Variants in SLC13A3 observed in about 807,000 individuals in gnomAD.
The protein encoded by SLC13A3 is Na(+)/dicarboxylate cotransporter 3.
SLC13A3 carries 40 observed loss-of-function variants against 59.0 expected under a neutral mutation model. The observed-to-expected ratio is 0.68, with a 90% CI of 0.53 to 0.88. The LOEUF is 0.88. Among genes scored for constraint, SLC13A3 ranks in the 40% least tolerant of loss-of-function variants. The probability of loss-of-function intolerance (pLI) is 0.00; values close to 1 mark genes in which losing one functional copy is unlikely to be tolerated. For missense variants in SLC13A3, 699 were observed against 783.2 expected (o/e 0.89, Z 1.28); for synonymous variants, 317 against 330.3 (o/e 0.96, Z 0.44).
intron 5 of SLC13A3, among the ~76,000 whole-genome samples, chr20:46,594,244 T>C (rs1315735252): frequency 6.7e-6 from 1 of 149,460 alleles, no homozygotes; most frequent in African/African-American, 2.4e-5. Flanking sequence ...TATATGTTAA[T>C]ATAATATATA....
chr20:46,584,447 G>T (rs3088343), intron 8 of SLC13A3: 111,788 of 985,308 alleles, frequency 0.11, 6,796 homozygotes, highest in Non-Finnish European at 0.12. Flanking sequence ...AACTCAGATT[G>T]TTCTGGCTCC....
At chr20:46,610,354 A>T in intron 3 of SLC13A3, 92 bp downstream of exon 3, 1 of 1,269,512 alleles carries the variant, frequency 7.9e-7, no homozygotes, top group South Asian at 1.4e-5. Flanking sequence ...ATAAGTGTGC[A>T]TGCCCTTGGC....
At position 46,563,530 on chromosome 20, in the gene SLC13A3, G is replaced by A; in HGVS notation, c.1516C>T (p.Pro506Ser). ...AELAIRLRVH[P>S]LYLMIPGTVG... ...GTGCCCGGAATCATCAGATACAGGG[G>A]GTGCACTCTCAGGCGGATGGCCTGG... Residue 506 changes from proline (P) to serine (S), a missense_variant, in exon 12 of 13, where the codon CCC (proline) becomes TCC (serine). Transcript: ENST00000279027. 6.2e-7 allele frequency: 1 copy of A among 1,613,914 alleles called. No individual in the cohort carries two copies. Among genetic ancestry groups the A allele is most frequent in the Admixed American group, 1.7e-5 (1 of 59,984 alleles).
chr20:46,566,261 TG>T lies in SLC13A3; in HGVS notation c.1461del (p.Ile488SerfsTer15). 1 of 1,613,582 alleles carries T rather than the reference TG, an allele frequency of 6.2e-7. No individual in the cohort carries two copies. The highest frequency in any genetic ancestry group is 8.5e-7 in the Non-Finnish European group (1 of 1,179,716). ...GCCAGGACCGGCAGGAAGATGATGA[TG>T]GTCGCCGTGTTGCTGGCAAACTCAG... Reference protein sequence around the residue: ...FFTEFASNTATIIIFLPVLAE... With the variant: ...FFTEFASNTAXIIIFLPVLAE... On this transcript the variant is annotated frameshift_variant, in exon 11 of 13. Transcript: ENST00000279027. LOFTEE classifies it high-confidence loss of function.
At chr20:46,605,369 A>G (rs1308082231) in intron 3 of SLC13A3, among the ~76,000 whole-genome samples, 1 of 150,212 alleles carries the variant, frequency 6.7e-6, no homozygotes. Flanking sequence ...GTGGCCCAAG[A>G]GACCACATGG....
Position 46,613,440 on chromosome 20 carries a change from G to T in SLC13A3, c.377+20C>A. On this transcript the variant is annotated intron_variant, in intron 2 of 12. Coordinates refer to ENST00000279027, the MANE Select transcript of SLC13A3 (RefSeq NM_022829.6). ...CCTCTGCCTCTCCGCTGTAGGGCTG[G>T]AACCATTACCTGTTCTTACCTGGCC... The T allele has an allele frequency of 1.3e-6, 2 of 1,557,906 alleles. No individual in the cohort carries two copies. Among genetic ancestry groups the T allele is most frequent in the South Asian group, 2.5e-5 (2 of 80,956 alleles).
At chr20:46,589,285 G>A (rs1196409694) in intron 6 of SLC13A3, 30 bp from the exon 7 acceptor site, 1 of 1,580,914 alleles carries the variant, frequency 6.3e-7, no homozygotes, top group Non-Finnish European at 8.7e-7. Flanking sequence ...ATTAGGAGTG[G>A]CCACTGCAGG....
intron 4 of SLC13A3, among the ~76,000 whole-genome samples, chr20:46,597,389 A>G (rs751878624): frequency 2.3e-4 from 35 of 152,312 alleles, no homozygotes; most frequent in Non-Finnish European, 3.1e-4. Flanking sequence ...GCAGGTTACA[A>G]AACAGCGTAC....
chr20:46,610,373 A>G, intron 3 of SLC13A3, 73 bp downstream of exon 3: 1 of 1,491,916 alleles, frequency 6.7e-7, no homozygotes. Context: ...GCCTTCCCTA[A>G]CATCCTTTGG....
At chr20:46,621,283 A>T (rs1568941160) in intron 1 of SLC13A3, among the ~76,000 whole-genome samples, 1 of 151,852 alleles carries the variant, frequency 6.6e-6, no homozygotes, top group African/African-American at 2.4e-5. Flanking sequence ...ATGGGGAATC[A>T]TTAGGCATCT....
chr20:46,617,603 T>TGTGC (rs1555880345), intron 1 of SLC13A3, among the ~76,000 whole-genome samples: 2 of 54,774 alleles, frequency 3.7e-5, no homozygotes, highest in African/African-American at 1.9e-4. Flanking sequence ...TGTGTGTGTG[T>TGTGC]GTGTGCGTGT....
Position 46,560,157 on chromosome 20 carries a change from C to A in SLC13A3, c.1674G>T (p.Leu558=). Residue 558 remains leucine (L), a synonymous_variant, in exon 13 of 13, where the codon CTG becomes CTT. Transcript: ENST00000279027. ...CCCAGGTATTCATAGCCAAACTGAG[C>A]AGCAGGACACCCATCAGGTTCATCA... is the stretch of plus-strand genomic sequence containing the variant. ...GLLMNLMGVL[L]LSLAMNTWAQ... is the part of the protein sequence containing the mutation. 1 of 1,614,158 alleles carries A rather than the reference C, an allele frequency of 6.2e-7. No homozygotes were observed. Among genetic ancestry groups the A allele is most frequent in the Non-Finnish European group, 8.5e-7 (1 of 1,180,028 alleles).
chr20:46,583,796 G>T, intron 8 of SLC13A3, 127 bp from the exon 9 acceptor site: 1 of 1,488,762 alleles, frequency 6.7e-7, no homozygotes, highest in African/African-American at 1.4e-5. Context: ...GTTGGAGGCT[G>T]GGCCACTGGA....
intron 6 of SLC13A3, 141 bp downstream of exon 6, chr20:46,592,263 A>G: frequency 1.0e-6 from 1 of 978,980 alleles, no homozygotes; most frequent in Non-Finnish European, 1.5e-6. Context: ...ATACATACCT[A>G]CATACATACA....
chr20:46,645,685 A>G (rs1667333534), intron 1 of SLC13A3, among the ~76,000 whole-genome samples: 2 of 152,158 alleles, frequency 1.3e-5, no homozygotes, highest in African/African-American at 4.8e-5. Context: ...TCACTTGATG[A>G]TATCCCTCCC....
chr20:46,600,226 G>T (rs1158310857), intron 3 of SLC13A3, among the ~76,000 whole-genome samples, 189 bp from the exon 4 acceptor site: 4 of 133,054 alleles, frequency 3.0e-5, no homozygotes, highest in Non-Finnish European at 6.5e-5. Context: ...GAGAGAGGGG[G>T]AGGGAGGGAG....
intron 1 of SLC13A3, among the ~76,000 whole-genome samples, chr20:46,645,386 G>A (rs1383248570): frequency 1.3e-5 from 2 of 152,198 alleles, no homozygotes; most frequent in African/African-American, 2.4e-5. Context: ...TATTCAGCCA[G>A]CCACATGCCC....
intron 1 of SLC13A3, among the ~76,000 whole-genome samples, chr20:46,659,546 C>T (rs1371604181): frequency 6.6e-6 from 1 of 151,930 alleles, no homozygotes; most frequent in East Asian, 1.9e-4. Context: ...GAAACCTCAT[C>T]TCTACAAAAA....
chr20:46,617,298 CA>C (rs1201388689), intron 1 of SLC13A3, among the ~76,000 whole-genome samples: 16 of 152,150 alleles, frequency 1.1e-4, no homozygotes, highest in Non-Finnish European at 2.9e-5. Flanking sequence ...ATGACTAAGA[CA>C]TAGCCTAAAT....
Sources: gnomAD v4.1 joint callset for allele counts (sites outside exome capture counted in the v4.1 genomes callset) on GRCh38, gnomAD v4.1.1 for gene constraint, MANE v1.5 for transcripts, NCBI Gene and HGNC (gene_info 2026-07-23, HGNC 2026-07-21) for gene names.